STON2: variants seen among roughly 807,000 people sequenced by gnomAD.
STON2 encodes the protein stonin-2.
STON2 carries 29 observed loss-of-function variants against 65.7 expected under a neutral mutation model. The observed-to-expected ratio is 0.44, with a 90% CI of 0.33 to 0.60. The LOEUF is 0.60. STON2 is among the 20% of genes least tolerant of loss of function. The pLI is 0.03. For synonymous variants in STON2, 404 were observed against 414.2 expected (o/e 0.98, Z 0.30); for missense variants, 1,054 against 1,118.1 (o/e 0.94, Z 0.82).
intron 4 of STON2, among the ~76,000 whole-genome samples, chr14:81,364,338 A>AT (rs1390207690): frequency 6.6e-6 from 1 of 152,190 alleles, no homozygotes; most frequent in South Asian, 2.1e-4. Flanking sequence ...AGAATTTTAT[A>AT]TTTTTTAAAA....
intron 4 of STON2, among the ~76,000 whole-genome samples, chr14:81,366,864 TAC>T (rs1398124381): frequency 6.6e-6 from 1 of 152,118 alleles, no homozygotes; most frequent in Non-Finnish European, 1.5e-5. Context: ...CTTGGCACTG[TAC>T]GAAACACCTT....
intron 4 of STON2, among the ~76,000 whole-genome samples, chr14:81,367,874 C>G (rs527418261): frequency 6.6e-6 from 1 of 152,304 alleles, no homozygotes; most frequent in East Asian, 1.9e-4. Flanking sequence ...TCCCTAGCAC[C>G]TGGGCCATCC....
chr14:81,366,101 G>T (rs1898711117), intron 4 of STON2, among the ~76,000 whole-genome samples: 1 of 152,244 alleles, frequency 6.6e-6, no homozygotes, highest in Non-Finnish European at 1.5e-5. Flanking sequence ...AGACCTCAGA[G>T]CTAACATCAA....
intron 3 of STON2, among the ~76,000 whole-genome samples, chr14:81,391,505 C>T (rs1595434663): frequency 6.6e-6 from 1 of 152,336 alleles, no homozygotes; most frequent in East Asian, 1.9e-4. Flanking sequence ...CTGCCAATTA[C>T]TCTATCCTTA....
chr14:81,417,364 A>C (rs1901488438), intron 2 of STON2, among the ~76,000 whole-genome samples: 1 of 151,884 alleles, frequency 6.6e-6, no homozygotes, highest in Non-Finnish European at 1.5e-5. Flanking sequence ...TTGAATGTTC[A>C]GGAGAAAACC....
At chr14:81,434,475 C>T (rs1595481455) in intron 1 of STON2, among the ~76,000 whole-genome samples, 2 of 152,158 alleles carry the variant, frequency 1.3e-5, no homozygotes, top group South Asian at 4.1e-4. Context: ...GGCTTCTTAC[C>T]CCCTGAGAAG....
intron 5 of STON2, among the ~76,000 whole-genome samples, chr14:81,321,606 T>G (rs1368933260): frequency 1.3e-5 from 2 of 152,102 alleles, no homozygotes; most frequent in Non-Finnish European, 2.9e-5. Context: ...GCAACAGAAG[T>G]AGATGCAAAA....
intron 5 of STON2, among the ~76,000 whole-genome samples, chr14:81,281,686 AGGCCT>A (rs1272084169): frequency 6.6e-6 from 1 of 152,232 alleles, no homozygotes; most frequent in Non-Finnish European, 1.5e-5. Flanking sequence ...AGAGAAAAAA[AGGCCT>A]TTGTCCCTAC....
chr14:81,411,055 A>G (rs1448477307), intron 2 of STON2, among the ~76,000 whole-genome samples: 1 of 152,152 alleles, frequency 6.6e-6, no homozygotes, highest in Non-Finnish European at 1.5e-5. Flanking sequence ...GCCACTGTAA[A>G]ATTAGGTTGC....
intron 1 of STON2, among the ~76,000 whole-genome samples, chr14:81,431,596 T>C (rs1022657933): frequency 2.6e-5 from 4 of 152,172 alleles, no homozygotes; most frequent in Non-Finnish European, 4.4e-5. Context: ...CTGACCAACA[T>C]GGCAAAACTC....
chr14:81,261,944 T>TAAAAAA lies in STON2; in HGVS notation c.*6464_*6469dup, dbSNP rs753081402. On this transcript the variant is annotated 3_prime_UTR_variant, in exon 8 of 8. Transcript: ENST00000614646. Reference sequence around the variant, plus strand: ...CTGTTTCTGTTGTCTGGGGAAATGATAAAAAAAAAAAAAAAAAAGAGAGAG... The same window carrying TAAAAAA: ...CTGTTTCTGTTGTCTGGGGAAATGATAAAAAAAAAAAAAAAAAAAAAAAAGAGAGAG... 1.2e-5 allele frequency: 14 copies of TAAAAAA among 1,196,638 alleles called. No individual in the cohort carries two copies. Among genetic ancestry groups the TAAAAAA allele is most frequent in the East Asian group, 6.5e-5 (2 of 30,604 alleles). The allele number at this position is 1,196,638 out of a possible 1,614,324, so 74.1% of individuals were successfully genotyped here.
intron 4 of STON2, among the ~76,000 whole-genome samples, chr14:81,355,757 G>C (rs567264529): frequency 7.2e-5 from 11 of 152,154 alleles, no homozygotes; most frequent in South Asian, 4.2e-4. Flanking sequence ...GTATTTTATT[G>C]TCTTTGAAGC....
chr14:81,362,546 G>C (rs925974350), intron 4 of STON2, among the ~76,000 whole-genome samples: 1 of 152,088 alleles, frequency 6.6e-6, no homozygotes, highest in African/African-American at 2.4e-5. Flanking sequence ...GTAGTAATAA[G>C]GTTTTTATTT....
intron 5 of STON2, among the ~76,000 whole-genome samples, chr14:81,286,226 G>C (rs1189004223): frequency 1.3e-5 from 2 of 152,166 alleles, no homozygotes; most frequent in Non-Finnish European, 2.9e-5. Context: ...TGATAAAGCA[G>C]CAGCAGGATT....
At position 81,278,634 on chromosome 14, in the gene STON2, G is replaced by C. The variant is rs1894978484; in HGVS notation, c.848C>G (p.Ser283Cys). Reference sequence around the variant, plus strand: ...GGTGACCCAGCTGGGAAAACGAGCAGAGGTCACTGGAGGGGCAGGGTGCCC... The same window carrying C: ...GGTGACCCAGCTGGGAAAACGAGCACAGGTCACTGGAGGGGCAGGGTGCCC... ...MNGHPAPPVTSARFPSWVTFD... is the reference protein window; with the variant it reads ...MNGHPAPPVTCARFPSWVTFD... Residue 283 changes from serine to cysteine, a missense_variant, in exon 6 of 8, where the codon TCT becomes TGT. Coordinates refer to ENST00000614646, the MANE Select transcript of STON2 (RefSeq NM_001394390.1). 6.4e-7 allele frequency: 1 copy of C among 1,574,118 alleles called. No homozygotes were observed. The highest frequency in any genetic ancestry group is 8.6e-7 in the Non-Finnish European group (1 of 1,158,674).
chr14:81,417,354 T>C (rs1173945322), intron 2 of STON2, among the ~76,000 whole-genome samples: 1 of 146,310 alleles, frequency 6.8e-6, no homozygotes, highest in Non-Finnish European at 1.5e-5. Flanking sequence ...CAAAGAAATG[T>C]TGAATGTTCA....
intron 2 of STON2, among the ~76,000 whole-genome samples, chr14:81,405,460 G>GTTTTTTTTTTTTTTTTTTTTTTTTT (rs376505307): frequency 4.7e-5 from 3 of 63,312 alleles, no homozygotes; most frequent in Admixed American, 1.7e-4. Flanking sequence ...AGTTACTATT[G>GTTTTTTTTTTTTTTTTTTTTTTTTT]TTTTTTTTTT....
Position 81,265,880 on chromosome 14 carries a change from A to G in STON2, c.*2534T>C, listed in dbSNP as rs1224201829. 1.0e-6 allele frequency: 1 copy of G among 985,216 alleles called. No homozygotes were observed. 61.0% of individuals were successfully genotyped at this position (985,216 alleles called of 1,614,324 possible). On this transcript the variant is annotated 3_prime_UTR_variant, in exon 8 of 8. Transcript: ENST00000614646. ...TAGCAGATGAGGCAGAGATCTTGACAGAGTGCTAAGCGTGAGTGACTAAGG... is the reference window on the plus strand; with the variant it reads ...TAGCAGATGAGGCAGAGATCTTGACGGAGTGCTAAGCGTGAGTGACTAAGG...
At chr14:81,334,363 T>C (rs1275031297) in intron 4 of STON2, among the ~76,000 whole-genome samples, 4 of 152,214 alleles carry the variant, frequency 2.6e-5, no homozygotes, top group Non-Finnish European at 5.9e-5. Context: ...TCACGTTCCA[T>C]CACATACAAT....
Sources: allele counts gnomAD v4.1 joint callset (sites outside exome capture counted in the v4.1 genomes callset), GRCh38; gene constraint gnomAD v4.1.1; transcripts MANE v1.5; gene names NCBI Gene and HGNC (gene_info 2026-07-23, HGNC 2026-07-21).